The following UBTD2 variants were observed in gnomAD, a reference collection of about 807,000 sequenced individuals.
The protein encoded by UBTD2 is ubiquitin domain containing 2.
UBTD2 carries 9 observed loss-of-function variants against 19.8 expected under a neutral mutation model. The observed-to-expected ratio is 0.46, with a 90% confidence interval of 0.27 to 0.79. UBTD2 has a LOEUF of 0.79. Among genes scored for constraint, UBTD2 ranks in the 30% least tolerant of loss-of-function variants. UBTD2 has a pLI of 0.14. For synonymous variants in UBTD2, 98 were observed against 103.9 expected (o/e 0.94, Z 0.35); for missense variants, 250 against 300.4 (o/e 0.83, Z 1.24).
At chr5:172,234,691 G>A (rs1369534189) in intron 1 of UBTD2, among the ~76,000 whole-genome samples, 1 of 152,188 alleles carries the variant, frequency 6.6e-6, no homozygotes, top group Non-Finnish European at 1.5e-5. Flanking sequence ...AGGAAGGCTT[G>A]AATCCAGGAG....
At chr5:172,214,189 G>T (rs559786808) in intron 2 of UBTD2, among the ~76,000 whole-genome samples, 1 of 152,226 alleles carries the variant, frequency 6.6e-6, no homozygotes, top group Non-Finnish European at 1.5e-5. Context: ...AAACCAAAAT[G>T]TCTACCAAAT....
At chr5:172,258,216 T>C (rs945943829) in intron 1 of UBTD2, among the ~76,000 whole-genome samples, 1 of 152,260 alleles carries the variant, frequency 6.6e-6, no homozygotes, top group African/African-American at 2.4e-5. Flanking sequence ...ATTCTGCATA[T>C]GGCTAGCCAG....
chr5:172,249,171 G>T (rs376788177), intron 1 of UBTD2, among the ~76,000 whole-genome samples: 8 of 152,118 alleles, frequency 5.3e-5, no homozygotes, highest in African/African-American at 1.9e-4. Flanking sequence ...GCCGAGGCGG[G>T]TGTATCAGTT....
intron 1 of UBTD2, among the ~76,000 whole-genome samples, chr5:172,247,920 A>G (rs937463076): frequency 2.6e-5 from 4 of 152,214 alleles, no homozygotes; most frequent in Non-Finnish European, 5.9e-5. Flanking sequence ...GATAGACTAT[A>G]TGTTAGACCA....
At chr5:172,245,540 C>G (rs1022698584) in intron 1 of UBTD2, among the ~76,000 whole-genome samples, 8 of 152,050 alleles carry the variant, frequency 5.3e-5, no homozygotes, top group Non-Finnish European at 8.8e-5. Flanking sequence ...GGTGAAACCT[C>G]ACCTCTACTA....
chr5:172,243,892 A>G (rs1416070802), intron 1 of UBTD2, among the ~76,000 whole-genome samples: 1 of 152,040 alleles, frequency 6.6e-6, no homozygotes, highest in Non-Finnish European at 1.5e-5. Flanking sequence ...GGATACGACC[A>G]CAGAGTTATA....
At chr5:172,245,532 T>G (rs1013082289) in intron 1 of UBTD2, among the ~76,000 whole-genome samples, 1 of 152,004 alleles carries the variant, frequency 6.6e-6, no homozygotes, top group South Asian at 2.1e-4. Context: ...GGCAACATGG[T>G]GAAACCTCAC....
At chr5:172,260,707 G>A (rs7736157) in intron 1 of UBTD2, among the ~76,000 whole-genome samples, 111,264 of 152,154 alleles carry the variant, frequency 0.73, 42,008 homozygotes, top group African/African-American at 0.93. Context: ...CTTGTTACAG[G>A]TTAAGTGTCT....
intron 2 of UBTD2, among the ~76,000 whole-genome samples, chr5:172,221,790 TA>T (rs1462835020): frequency 7.2e-5 from 11 of 152,164 alleles, no homozygotes; most frequent in Non-Finnish European, 1.3e-4. Context: ...CATGTCAATA[TA>T]AAGTTGTCCA....
intron 1 of UBTD2, among the ~76,000 whole-genome samples, chr5:172,257,347 T>C (rs1441470189): frequency 6.6e-6 from 1 of 152,244 alleles, no homozygotes; most frequent in African/African-American, 2.4e-5. Context: ...AAGTATTCCA[T>C]GGTGTATACA....
intron 1 of UBTD2, among the ~76,000 whole-genome samples, chr5:172,273,100 AATAAAAAT>A (rs1561867554): frequency 1.4e-5 from 2 of 143,802 alleles, no homozygotes; most frequent in African/African-American, 2.9e-5. Flanking sequence ...AAAAAATAAA[AATAAAAAT>A]AAAAATCTGT....
At chr5:172,218,762 C>T (rs1771592920) in intron 2 of UBTD2, among the ~76,000 whole-genome samples, 1 of 129,808 alleles carries the variant, frequency 7.7e-6, no homozygotes, top group Non-Finnish European at 1.6e-5. Flanking sequence ...GGCAAAGAGT[C>T]AGACCCTGTC....
intron 1 of UBTD2, among the ~76,000 whole-genome samples, chr5:172,256,678 T>C (rs1401290625): frequency 1.3e-5 from 2 of 152,106 alleles, no homozygotes. Context: ...CCCAGCACTT[T>C]GGGAGGCCAA....
intron 1 of UBTD2, among the ~76,000 whole-genome samples, chr5:172,273,326 C>T (rs1362071964): frequency 6.6e-6 from 1 of 152,042 alleles, no homozygotes; most frequent in African/African-American, 2.4e-5. Flanking sequence ...CATGGTGGCT[C>T]ACACCTGTAA....
At chr5:172,283,871 C>T (rs571462451), upstream of UBTD2, 5 of 175,602 alleles carry the variant, frequency 2.8e-5, no homozygotes, top group African/African-American at 9.6e-5. The surrounding 1 kb of genome is among the most constrained non-coding windows in gnomAD (Gnocchi z 4.3). Flanking sequence ...CTACCTCAAC[C>T]CCCGGGCCGC....
chr5:172,275,214 C>T (rs1755583217), intron 1 of UBTD2, among the ~76,000 whole-genome samples: 1 of 152,156 alleles, frequency 6.6e-6, no homozygotes, highest in Non-Finnish European at 1.5e-5. Flanking sequence ...GGGAAAGCCC[C>T]TGATAAAACC....
intron 1 of UBTD2, among the ~76,000 whole-genome samples, chr5:172,278,850 C>A (rs1264923670): frequency 6.6e-6 from 1 of 152,196 alleles, no homozygotes; most frequent in Non-Finnish European, 1.5e-5. Context: ...TCCTGGCTCA[C>A]TGCAACCTCT....
At chr5:172,260,620 T>C (rs565863592) in intron 1 of UBTD2, among the ~76,000 whole-genome samples, 1 of 152,222 alleles carries the variant, frequency 6.6e-6, no homozygotes, top group Non-Finnish European at 1.5e-5. Context: ...TGCAGAAAGA[T>C]AGTCTCCTTG....
chr5:172,219,657 A>T (rs1488393526), intron 2 of UBTD2, among the ~76,000 whole-genome samples: 1 of 152,194 alleles, frequency 6.6e-6, no homozygotes, highest in Non-Finnish European at 1.5e-5. Context: ...TTCTCAAATA[A>T]ATAAAGAAAA....
Sources: allele counts gnomAD v4.1 joint callset (sites outside exome capture counted in the v4.1 genomes callset), GRCh38; gene constraint gnomAD v4.1.1; non-coding constraint Gnocchi (gnomAD v3.1); transcripts MANE v1.5; gene names NCBI Gene and HGNC (gene_info 2026-07-23, HGNC 2026-07-21).